The following PPEF1 variants were observed in gnomAD, a reference collection of about 807,000 sequenced individuals.
PPEF1 encodes the protein serine/threonine-protein phosphatase with EF-hands 1.
A neutral mutation model predicts 53.3 loss-of-function variants in PPEF1; 12 were observed. The observed-to-expected ratio is 0.23, with a 90% CI of 0.14 to 0.36. The LOEUF is 0.36. Among genes scored for constraint, PPEF1 ranks in the 10% least tolerant of loss-of-function variants. The pLI is 1.00. For missense variants in PPEF1, 334 were observed against 490.4 expected, an observed-to-expected ratio of 0.68 and a Z score of 3.01; for synonymous variants, 165 against 176.7, an observed-to-expected ratio of 0.93 and a Z score of 0.52.
intron 1 of PPEF1, among the ~76,000 whole-genome samples, chrX:18,709,517 T>TTTTA (rs2044275602): frequency 9.2e-6 from 1 of 108,801 alleles, no homozygotes; most frequent in African/African-American, 3.4e-5. Context: ...TTGTTTTTTT[T>TTTTA]GAGACAGTCT....
At chrX:18,715,101 G>A (rs963938511) in intron 1 of PPEF1, among the ~76,000 whole-genome samples, 1 of 111,638 alleles carries the variant, frequency 9.0e-6, no homozygotes, top group East Asian at 2.8e-4. Flanking sequence ...GGCCAGGCGC[G>A]GTGACTCACG....
chrX:18,826,815 C>T (rs2047179760), intron 15 of PPEF1, among the ~76,000 whole-genome samples: 1 of 105,676 alleles, frequency 9.5e-6, no homozygotes, highest in African/African-American at 3.5e-5. Flanking sequence ...CTTTGAACAC[C>T]GAAAAAAAAA....
intron 8 of PPEF1, among the ~76,000 whole-genome samples, chrX:18,782,928 C>T (rs1449560696): frequency 9.3e-6 from 1 of 108,087 alleles, no homozygotes; most frequent in Non-Finnish European, 1.9e-5. Context: ...GCCTGACCAA[C>T]GTGGTGAAAC....
intron 6 of PPEF1, among the ~76,000 whole-genome samples, chrX:18,765,170 G>A (rs2045741579): frequency 8.9e-6 from 1 of 111,949 alleles, no homozygotes; most frequent in Admixed American, 9.5e-5. Context: ...GGGTAGAGAG[G>A]TGAGAGGGAT....
chrX:18,745,511 AT>A (rs1238018292), intron 3 of PPEF1, among the ~76,000 whole-genome samples: 1 of 109,809 alleles, frequency 9.1e-6, no homozygotes. Flanking sequence ...GAGTTTTTCA[AT>A]TGATTTTCTT....
At chrX:18,708,728 C>A in intron 1 of PPEF1, among the ~76,000 whole-genome samples, 1 of 111,657 alleles carries the variant, frequency 9.0e-6, no homozygotes. Context: ...TCCTACCCAG[C>A]TGACTTGTGC....
In PPEF1 at chrX:18,789,106, G is replaced by T. The variant is rs771761051; in HGVS notation, c.913-15G>T. On this transcript the variant is annotated splice_polypyrimidine_tract_variant and intron_variant, in intron 9 of 15. Transcript: ENST00000470157. Reference sequence around the variant, plus strand: ...TAAGCAGAGGGTTGGACTAAAGCATGAATTTGTTTTATAGATGAAATCTGT... The same window carrying T: ...TAAGCAGAGGGTTGGACTAAAGCATTAATTTGTTTTATAGATGAAATCTGT... 8 of 1,208,647 alleles carry T rather than the reference G, an allele frequency of 6.6e-6. No homozygotes were observed. The South Asian group carries it at 1.2e-4, about 19-fold the overall frequency.
intron 6 of PPEF1, among the ~76,000 whole-genome samples, chrX:18,702,321 G>A (rs1422845506): frequency 9.1e-6 from 1 of 110,096 alleles, no homozygotes; most frequent in Non-Finnish European, 1.9e-5. Context: ...GGGGGTAGAG[G>A]GTGTTGGTAT....
At chrX:18,699,288 T>C (rs1929914662) in intron 5 of PPEF1, among the ~76,000 whole-genome samples, 1 of 111,123 alleles carries the variant, frequency 9.0e-6, no homozygotes, top group South Asian at 3.8e-4. Flanking sequence ...CTCCATCCGA[T>C]TAAATGGCAA....
At chrX:18,710,626 G>C (rs1343495758) in intron 1 of PPEF1, among the ~76,000 whole-genome samples, 1 of 111,594 alleles carries the variant, frequency 9.0e-6, no homozygotes, top group Admixed American at 9.6e-5. Flanking sequence ...ACCATAATGA[G>C]ATACCACCTT....
At chrX:18,736,387 C>T (rs1015851770) in intron 3 of PPEF1, among the ~76,000 whole-genome samples, 3 of 111,877 alleles carry the variant, frequency 2.7e-5, no homozygotes, top group Non-Finnish European at 5.6e-5. Context: ...TTGAGATAAT[C>T]GTGTGGTTTT....
At position 18,803,831 on chromosome X, in the gene PPEF1, G is replaced by A. The variant is rs890760453; in HGVS notation, c.1066-61G>A. 4.0e-6 allele frequency: 4 copies of A among 992,588 alleles called. No homozygotes were observed. The Admixed American group carries it at 9.2e-5, about 23-fold the overall frequency. The allele number at this position is 992,588 out of a possible 1,213,427, so 81.8% of individuals were successfully genotyped here. ...GTTAATATTTCTGACAAATAAGTTG[G>A]AATCTAGAAAGATATACTCTCACTT... is the stretch of plus-strand genomic sequence containing the variant. On this transcript the variant is annotated intron_variant, in intron 10 of 15. Coordinates refer to ENST00000470157, the MANE Select transcript of PPEF1 (RefSeq NM_001377996.1).
intron 5 of PPEF1, 40 bp from the exon 6 acceptor site, chrX:18,761,490 T>A (rs746822289): frequency 1.7e-6 from 2 of 1,154,663 alleles, no homozygotes; most frequent in East Asian, 5.9e-5. Context: ...GCATTGCATC[T>A]TGTTCTCTAC....
chrX:18,719,450 G>T (rs1450780421), intron 1 of PPEF1, among the ~76,000 whole-genome samples: 1 of 108,538 alleles, frequency 9.2e-6, no homozygotes, highest in Non-Finnish European at 1.9e-5. Context: ...GGGCTCAAGT[G>T]ATCCTCCCAC....
intron 4 of PPEF1, among the ~76,000 whole-genome samples, chrX:18,695,037 G>A (rs778167111): frequency 1.5e-4 from 17 of 112,106 alleles, no homozygotes; most frequent in African/African-American, 4.9e-4. Context: ...AAACCCAGGC[G>A]TGGCTTACCT....
chrX:18,709,572 G>GCTGCAACCTCCGCCTCC (rs2044278665), intron 1 of PPEF1, among the ~76,000 whole-genome samples: 1 of 104,745 alleles, frequency 9.5e-6, no homozygotes, highest in Admixed American at 1.1e-4. Context: ...ATCTCGGCTC[G>GCTGCAACCTCCGCCTCC]CTGCAACCTC....
At chrX:18,725,333 G>A (rs927458430) in intron 1 of PPEF1, among the ~76,000 whole-genome samples, 1 of 111,798 alleles carries the variant, frequency 8.9e-6, no homozygotes, top group Non-Finnish European at 1.9e-5. Context: ...AACTTGCAAG[G>A]AGGGTCCCAC....
At chrX:18,754,056 A>C (rs2045497524) in intron 4 of PPEF1, among the ~76,000 whole-genome samples, 1 of 109,351 alleles carries the variant, frequency 9.1e-6, no homozygotes, top group African/African-American at 3.3e-5. Flanking sequence ...GCGATTTAAA[A>C]AAAAAAAAAA....
upstream of PPEF1, among the ~76,000 whole-genome samples, chrX:18,680,947 C>T (rs1407137113): frequency 4.5e-5 from 5 of 111,183 alleles, no homozygotes; most frequent in African/African-American, 6.6e-5. Flanking sequence ...GACATGAACT[C>T]ATCATTTTTT....
Sources: allele counts gnomAD v4.1 joint callset (sites outside exome capture counted in the v4.1 genomes callset), GRCh38; gene constraint gnomAD v4.1.1; transcripts MANE v1.5; gene names NCBI Gene and HGNC (gene_info 2026-07-23, HGNC 2026-07-21).